Variants in MMP24 observed in about 807,000 individuals in gnomAD.
The protein encoded by MMP24 is matrix metallopeptidase 24.
MMP24 carries 25 observed loss-of-function variants against 62.8 expected under a neutral mutation model. That is an observed-to-expected ratio of 0.40 (90% CI 0.29 to 0.56). MMP24 has a LOEUF of 0.56. MMP24 is among the 20% of genes least tolerant of loss of function. MMP24 has a pLI of 0.50. For synonymous variants in MMP24, 319 were observed against 350.5 expected, an observed-to-expected ratio of 0.91 and a Z score of 1.00; for missense variants, 634 against 853.6, an observed-to-expected ratio of 0.74 and a Z score of 3.21.
chr20:35,260,485 G>C (rs971664452), intron 4 of MMP24, among the ~76,000 whole-genome samples: 3 of 152,262 alleles, frequency 2.0e-5, no homozygotes, highest in Non-Finnish European at 4.4e-5. Context: ...CTGCTCAGGA[G>C]ACAGAGGCCC....
At position 35,267,551 on chromosome 20, in the gene MMP24, G is replaced by A; in HGVS notation, c.1194+132G>A. 6.3e-6 allele frequency: 6 copies of A among 944,996 alleles called. No homozygotes were observed. In the South Asian group the frequency reaches 8.5e-5, roughly 13 times the overall value. 58.5% of individuals were successfully genotyped at this position (944,996 alleles called of 1,614,324 possible). Reference sequence around the variant, plus strand: ...GGGCCTGGACAGGAGCTAGCCCAGTGGCCAGGGCATGGGGTCTCTTCCTAG... The same window carrying A: ...GGGCCTGGACAGGAGCTAGCCCAGTAGCCAGGGCATGGGGTCTCTTCCTAG... On this transcript the variant is annotated intron_variant, in intron 6 of 8. Transcript: ENST00000246186.
In MMP24 at chr20:35,242,948, C is replaced by CGAG. The variant is rs1272617294; in HGVS notation, c.247-3892_247-3891insGAG. On this transcript the variant is annotated intron_variant, in intron 1 of 8. Coordinates refer to ENST00000246186, the MANE Select transcript of MMP24 (RefSeq NM_006690.4). ...ATCCCAGCACTTTGGGAGGCCAAGG[C>CGAG]AGGTGTATCACTTGAGGTCAGGAGT... Among the ~76,000 whole-genome samples the CGAG allele has an allele frequency of 2.6e-5, 4 of 152,208 alleles. No individual in the cohort carries two copies. The East Asian group carries it at 7.7e-4, about 29-fold the overall frequency.
At position 35,246,908 on chromosome 20, in the gene MMP24, G is replaced by T; in HGVS notation, c.315G>T (p.Lys105Asn). 1 of 1,614,058 alleles carries T rather than the reference G, an allele frequency of 6.2e-7. No homozygotes were observed. The highest frequency in any genetic ancestry group is 8.5e-7 in the Non-Finnish European group (1 of 1,179,890). Residue 105 changes from lysine to asparagine, a missense_variant, in exon 2 of 9, where the codon AAG becomes AAT. Lys to Asn is a moderately conservative substitution (Grantham distance 94). Around this residue, in one of 3 missense-constraint regions of MMP24, gnomAD observed 212 missense variants for 259.6 expected, o/e 0.82. Coordinates refer to ENST00000246186, the MANE Select transcript of MMP24 (RefSeq NM_006690.4). ...DSRASALHSA[K>N]ALQSAVSTMQ... Reference sequence around the variant, plus strand: ...GGGCATCTGCGCTGCACTCAGCGAAGGCCTTGCAGTCGGCAGTCTCCACTA... The same window carrying T: ...GGGCATCTGCGCTGCACTCAGCGAATGCCTTGCAGTCGGCAGTCTCCACTA...
intron 1 of MMP24, among the ~76,000 whole-genome samples, chr20:35,244,165 A>G (rs2060501839): frequency 6.6e-6 from 1 of 152,238 alleles, no homozygotes; most frequent in South Asian, 2.1e-4. Flanking sequence ...GCCTGTTCAT[A>G]TAGACACATG....
At chr20:35,240,574 G>A (rs932758676) in intron 1 of MMP24, among the ~76,000 whole-genome samples, 1 of 151,986 alleles carries the variant, frequency 6.6e-6, no homozygotes, top group East Asian at 1.9e-4. Context: ...TTCCTTCAGT[G>A]GGTTTTATCT....
intron 2 of MMP24, 99 bp from the exon 3 acceptor site, chr20:35,251,806 A>G (rs1241168113): frequency 8.5e-6 from 8 of 940,642 alleles, no homozygotes; most frequent in East Asian, 2.4e-5. Context: ...GAGGATGCAC[A>G]TTGCTTTCCA....
chr20:35,230,962 C>T (rs948110932), intron 1 of MMP24, among the ~76,000 whole-genome samples: 9 of 152,156 alleles, frequency 5.9e-5, no homozygotes, highest in Non-Finnish European at 1.3e-4. Flanking sequence ...CCACAACCCC[C>T]GACCCCTTGA....
intron 1 of MMP24, among the ~76,000 whole-genome samples, chr20:35,245,500 G>A (rs1600781173): frequency 6.6e-6 from 1 of 151,506 alleles, no homozygotes; most frequent in East Asian, 1.9e-4. Context: ...CCAGGCTGGA[G>A]GGCAGTTGTG....
In MMP24 at chr20:35,238,460, A is replaced by G. The variant is rs184177400; in HGVS notation, c.247-8380A>G. On this transcript the variant is annotated intron_variant, in intron 1 of 8. Coordinates refer to ENST00000246186, the MANE Select transcript of MMP24 (RefSeq NM_006690.4). ...TAGATGTAAGAGGCCAAGGCTCCCCAAAGAGGGAGGAGGGGAGAGTGAACT... is the reference window on the plus strand; with the variant it reads ...TAGATGTAAGAGGCCAAGGCTCCCCGAAGAGGGAGGAGGGGAGAGTGAACT... Among the ~76,000 whole-genome samples the G allele has an allele frequency of 1.6e-3, 248 of 152,320 alleles. 1 individual carries two copies. The highest frequency in any genetic ancestry group is 2.6e-3 in the Non-Finnish European group (177 of 68,034).
chr20:35,267,199 C>T lies in MMP24; in HGVS notation c.980-6C>T, dbSNP rs1280107339. On this transcript the variant is annotated splice_region_variant and splice_polypyrimidine_tract_variant and intron_variant, in intron 5 of 8. Transcript: ENST00000246186. ...CCCCTCTCTAAGATGCAGCTCCTCT[C>T]TCCAGGACCCCCAGCCGAGCCTCTG... 1 of 1,578,532 alleles carries T rather than the reference C, an allele frequency of 6.3e-7. No individual in the cohort carries two copies.
rs1275956150 is a variant in MMP24 at position 35,271,663 on chromosome 20, T to C, written c.1428T>C (p.Ile476=). ...ELGSCLPREG[I]DTALRWEPVG... is the part of the protein sequence containing the mutation. ...GCAGCTGTTTGCCCCGTGAAGGCAT[T>C]GACACAGCTCTGCGCTGGGAACCTG... Residue 476 remains isoleucine (I), a synonymous_variant, in exon 8 of 9, where the codon ATT becomes ATC. Coordinates refer to ENST00000246186, the MANE Select transcript of MMP24 (RefSeq NM_006690.4). The surrounding 1 kb of genome is among the most constrained non-coding windows in gnomAD (Gnocchi z 4.0). The C allele has an allele frequency of 1.4e-5, 23 of 1,610,070 alleles. No individual in the cohort carries two copies. The highest frequency in any genetic ancestry group is 2.0e-5 in the Non-Finnish European group (23 of 1,178,356).
At chr20:35,245,702 G>A (rs992061645) in intron 1 of MMP24, among the ~76,000 whole-genome samples, 3 of 151,528 alleles carry the variant, frequency 2.0e-5, no homozygotes, top group African/African-American at 7.3e-5. Flanking sequence ...TCCCGCCTAG[G>A]CCTCCCAAAG....
chr20:35,257,021 TC>T (rs2060578430), intron 4 of MMP24, among the ~76,000 whole-genome samples: 1 of 152,200 alleles, frequency 6.6e-6, no homozygotes, highest in Non-Finnish European at 1.5e-5. Flanking sequence ...CATCCTTTTT[TC>T]CTGCCCTGCG....
chr20:35,276,223 G>A lies in MMP24; in HGVS notation c.*1614G>A, dbSNP rs986992475. The stretch of plus-strand genomic sequence containing the variant: ...TCAAGCAAAATCTCTTGTCCCAGAG[G>A]TGCCCATGTGGGTCCGCTGTGTCCC... On this transcript the variant is annotated 3_prime_UTR_variant, in exon 9 of 9. Transcript: ENST00000246186. The A allele has an allele frequency of 5.0e-6, 2 of 398,948 alleles. No homozygotes were observed. Among genetic ancestry groups the A allele is most frequent in the Non-Finnish European group, 8.8e-6 (2 of 226,098 alleles). 24.7% of individuals were successfully genotyped at this position (398,948 alleles called of 1,614,324 possible). A position where few individuals can be genotyped will look rare whatever the true frequency, so the allele number is the denominator to read the frequency against.
At chr20:35,264,199 G>A (rs951660909) in intron 5 of MMP24, 11 of 329,028 alleles carry the variant, frequency 3.3e-5, no homozygotes, top group South Asian at 6.7e-5. Flanking sequence ...GTGAGGTGAG[G>A]GCCACCCATT....
intron 6 of MMP24, 29 bp downstream of exon 6, chr20:35,267,448 C>G (rs1295184586): frequency 6.5e-7 from 1 of 1,540,212 alleles, no homozygotes; most frequent in Non-Finnish European, 8.8e-7. Flanking sequence ...CACCACCCAG[C>G]TGGCCCCTGA....
At position 35,275,766 on chromosome 20, in the gene MMP24, T is replaced by C. The variant is rs969309417; in HGVS notation, c.*1157T>C. The C allele has an allele frequency of 3.3e-5, 12 of 368,096 alleles. No homozygotes were observed. The highest frequency in any genetic ancestry group is 5.3e-5 in the Non-Finnish European group (11 of 207,146). The allele number at this position is 368,096 out of a possible 1,614,324, so 22.8% of individuals were successfully genotyped here. A position where few individuals can be genotyped will look rare whatever the true frequency, so the allele number is the denominator to read the frequency against. ...GACTCAATCTCTCGGCTGGAAGCAG[T>C]GTTTTCCCAGAGCTTGGCCCTTGCT... On this transcript the variant is annotated 3_prime_UTR_variant, in exon 9 of 9. Coordinates refer to ENST00000246186, the MANE Select transcript of MMP24 (RefSeq NM_006690.4).
Position 35,275,825 on chromosome 20 carries a change from C to G in MMP24, c.*1216C>G. 2.5e-6 allele frequency: 1 copy of G among 394,610 alleles called. No individual in the cohort carries two copies. Among genetic ancestry groups the G allele is most frequent in the Non-Finnish European group, 4.5e-6 (1 of 224,104 alleles). 24.4% of individuals were successfully genotyped at this position (394,610 alleles called of 1,614,324 possible). On this transcript the variant is annotated 3_prime_UTR_variant, in exon 9 of 9. Coordinates refer to ENST00000246186, the MANE Select transcript of MMP24 (RefSeq NM_006690.4). ...TCACTGGGCCCATCTTCCCACACTG[C>G]TCTTAGAAGGACACCCCTACCGGTA...
At chr20:35,265,257 A>AGTT in intron 5 of MMP24, among the ~76,000 whole-genome samples, 1 of 152,116 alleles carries the variant, frequency 6.6e-6, no homozygotes, top group Admixed American at 6.5e-5. Flanking sequence ...CCTGGCCAAC[A>AGTT]TGGCAAAACC....
Sources: allele counts gnomAD v4.1 joint callset (sites outside exome capture counted in the v4.1 genomes callset), GRCh38; gene constraint gnomAD v4.1.1; regional missense constraint gnomAD v4.1.1; non-coding constraint Gnocchi (gnomAD v3.1); transcripts MANE v1.5; gene names NCBI Gene and HGNC (gene_info 2026-07-23, HGNC 2026-07-21).